Variants in ATP9B observed in about 807,000 individuals in gnomAD.
ATP9B encodes the protein probable phospholipid-transporting ATPase IIB.
A neutral mutation model predicts 146.1 loss-of-function variants in ATP9B; 110 were observed. The observed-to-expected ratio is 0.75, with a 90% CI of 0.65 to 0.88. The LOEUF is 0.88. Among genes scored for constraint, ATP9B ranks in the 40% least tolerant of loss-of-function variants. ATP9B has a pLI of 0.00. For missense variants in ATP9B, 1,499 were observed against 1,496.4 expected (o/e 1.00, Z -0.03); for synonymous variants, 604 against 569.7 (o/e 1.06, Z -0.86).
intron 11 of ATP9B, among the ~76,000 whole-genome samples, chr18:79,215,154 A>AAC (rs2095616219): frequency 6.6e-6 from 1 of 151,986 alleles, no homozygotes; most frequent in Admixed American, 6.6e-5. Flanking sequence ...TCTCAAAAAA[A>AAC]AAAAAAAAAA....
intron 7 of ATP9B, among the ~76,000 whole-genome samples, chr18:79,174,834 A>G (rs529027341): frequency 9.2e-5 from 14 of 152,206 alleles, no homozygotes; most frequent in African/African-American, 2.9e-4. Context: ...TTCTAACTCC[A>G]GGCAGATGTC....
chr18:79,366,158 C>T (rs1046445802), intron 26 of ATP9B, among the ~76,000 whole-genome samples: 2 of 152,216 alleles, frequency 1.3e-5, no homozygotes, highest in Non-Finnish European at 2.9e-5. Context: ...GAGACCCGTC[C>T]GTGGTCGCTA....
intron 5 of ATP9B, among the ~76,000 whole-genome samples, chr18:79,137,853 T>A (rs1042019214): frequency 2.0e-5 from 3 of 152,232 alleles, no homozygotes; most frequent in African/African-American, 7.2e-5. Context: ...TGCTCTGCCC[T>A]CATTTTTCCA....
intron 25 of ATP9B, among the ~76,000 whole-genome samples, chr18:79,351,648 T>C (rs772367396): frequency 3.3e-5 from 5 of 152,190 alleles, no homozygotes; most frequent in Non-Finnish European, 7.3e-5. Context: ...TCCACAAATA[T>C]GGTTTTCATC....
In ATP9B at chr18:79,128,052, C is replaced by CTTTTTT. The variant is rs1173565651; in HGVS notation, c.667+1697_667+1702dup. On this transcript the variant is annotated intron_variant, in intron 5 of 29. Coordinates refer to ENST00000426216, the MANE Select transcript of ATP9B (RefSeq NM_198531.5). ...AATGTCTGCTCAGATCCTTTGCCGA[C>CTTTTTT]TTTTTTTTTTTTTTTTTTTTTTTTT... is the stretch of plus-strand genomic sequence containing the variant. Among the ~76,000 whole-genome samples, 75 of 71,714 alleles carry CTTTTTT rather than the reference C, an allele frequency of 1.0e-3. 2 individuals carry two copies. The highest frequency in any genetic ancestry group is 1.3e-3 in the African/African-American group (22 of 16,300). 47.0% of individuals were successfully genotyped at this position (71,714 alleles called of 152,430 possible). A position where few individuals can be genotyped will look rare whatever the true frequency, so the allele number is the denominator to read the frequency against.
chr18:79,071,049 C>CTTTTTTTTTTTT (rs746689031), intron 1 of ATP9B, among the ~76,000 whole-genome samples: 4 of 112,390 alleles, frequency 3.6e-5, no homozygotes, highest in East Asian at 2.7e-4. Context: ...ATTCCTGTTT[C>CTTTTTTTTTTTT]TTTTTTTTTT....
At chr18:79,343,516 A>T (rs1378230203) in intron 20 of ATP9B, among the ~76,000 whole-genome samples, 1 of 152,244 alleles carries the variant, frequency 6.6e-6, no homozygotes, top group African/African-American at 2.4e-5. Flanking sequence ...AGGTTTTTTT[A>T]AAAATCCCTC....
At chr18:79,169,287 T>C (rs1205107738) in intron 7 of ATP9B, among the ~76,000 whole-genome samples, 1 of 152,230 alleles carries the variant, frequency 6.6e-6, no homozygotes, top group Non-Finnish European at 1.5e-5. Context: ...ACCTCTTATT[T>C]TCTCTTTCAC....
intron 13 of ATP9B, among the ~76,000 whole-genome samples, chr18:79,278,585 A>G (rs1368071947): frequency 1.3e-5 from 2 of 152,186 alleles, no homozygotes; most frequent in African/African-American, 2.4e-5. Context: ...AAAAGTAGAA[A>G]TTCAGTATTC....
intron 9 of ATP9B, among the ~76,000 whole-genome samples, chr18:79,193,965 T>G (rs2095394226): frequency 6.6e-6 from 1 of 152,200 alleles, no homozygotes; most frequent in African/African-American, 2.4e-5. Flanking sequence ...AGAGCTTATA[T>G]AATGTGACAG....
intron 4 of ATP9B, among the ~76,000 whole-genome samples, chr18:79,114,135 G>GT (rs1388767794): frequency 6.6e-6 from 1 of 152,018 alleles, no homozygotes; most frequent in African/African-American, 2.4e-5. Flanking sequence ...TAATTTTGTG[G>GT]TTTTAGTAGA....
chr18:79,245,611 CCACCCTACTGACTGGGGAGGGT>C (rs2095940464), intron 11 of ATP9B, among the ~76,000 whole-genome samples: 1 of 67,282 alleles, frequency 1.5e-5, no homozygotes, highest in East Asian at 3.7e-4. Context: ...GCGGAGGGTA[CCACCCTACTGACTGGGGAGGGT>C]ACCGCCCTAC....
At chr18:79,173,568 A>G (rs1374922661) in intron 7 of ATP9B, 1 of 404,462 alleles carries the variant, frequency 2.5e-6, no homozygotes, top group South Asian at 1.9e-5. Flanking sequence ...AGCGTCATTT[A>G]TAGTGAAGAC....
intron 12 of ATP9B, among the ~76,000 whole-genome samples, chr18:79,274,993 A>C (rs979293412): frequency 2.9e-4 from 44 of 152,348 alleles, no homozygotes; most frequent in South Asian, 8.3e-4. Context: ...CACCACCCTG[A>C]GCCCAGTGGC....
chr18:79,306,758 T>G (rs2096622268), intron 14 of ATP9B, among the ~76,000 whole-genome samples: 1 of 152,216 alleles, frequency 6.6e-6, no homozygotes, highest in Non-Finnish European at 1.5e-5. Flanking sequence ...AGTAGTATAG[T>G]GAATATTTTG....
Position 79,260,907 on chromosome 18 carries a change from C to A in ATP9B, c.1268+7366C>A, listed in dbSNP as rs975609909. 8.5e-5 allele frequency among the ~76,000 whole-genome samples: 13 copies of A among 152,316 alleles called. No individual in the cohort carries two copies. The East Asian group carries it at 2.5e-3, about 29-fold the overall frequency. ...GCTTGGGATCAGTGATCTTGTATTC[C>A]TTCCAGTTTCTCCCATTTGGAATGG... On this transcript the variant is annotated intron_variant, in intron 12 of 29. Coordinates refer to ENST00000426216, the MANE Select transcript of ATP9B (RefSeq NM_198531.5).
chr18:79,101,963 T>C (rs2075311304), intron 2 of ATP9B, among the ~76,000 whole-genome samples: 1 of 152,214 alleles, frequency 6.6e-6, no homozygotes, highest in South Asian at 2.1e-4. Flanking sequence ...TTCTTTTTTT[T>C]GAGACGGAGT....
intron 17 of ATP9B, among the ~76,000 whole-genome samples, chr18:79,332,420 C>G (rs2096796616): frequency 6.6e-6 from 1 of 152,176 alleles, no homozygotes; most frequent in African/African-American, 2.4e-5. Flanking sequence ...CAGAGCGAGA[C>G]TCCGTCTCAA....
intron 8 of ATP9B, among the ~76,000 whole-genome samples, chr18:79,177,384 C>T (rs1046030205): frequency 1.3e-5 from 2 of 152,054 alleles, no homozygotes; most frequent in African/African-American, 4.8e-5. Flanking sequence ...TACAGGTGCA[C>T]ACCACCACGC....
Sources: allele counts gnomAD v4.1 joint callset (sites outside exome capture counted in the v4.1 genomes callset), GRCh38; gene constraint gnomAD v4.1.1; transcripts MANE v1.5; gene names NCBI Gene and HGNC (gene_info 2026-07-23, HGNC 2026-07-21).